The following DNAJC16 variants were observed in gnomAD, a reference collection of about 807,000 sequenced individuals.
DNAJC16 encodes the protein dnaJ homolog subfamily C member 16.
DNAJC16 carries 76 observed loss-of-function variants against 92.7 expected under a neutral mutation model. The observed-to-expected ratio is 0.82, with a 90% CI of 0.68 to 0.99. The LOEUF is 0.99. Among genes scored for constraint, DNAJC16 ranks in the 50% least tolerant of loss-of-function variants. DNAJC16 has a pLI of 0.00. For synonymous variants in DNAJC16, 328 were observed against 358.7 expected, an observed-to-expected ratio of 0.91 and a Z score of 0.97; for missense variants, 869 against 942.4, an observed-to-expected ratio of 0.92 and a Z score of 1.02.
chr1:15,565,330 A>G (rs1242580940), intron 11 of DNAJC16: 1 of 156,490 alleles, frequency 6.4e-6, no homozygotes, highest in African/African-American at 2.4e-5. Flanking sequence ...CTCAAGAGGG[A>G]TACCCACTCC....
At chr1:15,565,788 C>A (rs948534844) in intron 11 of DNAJC16, 131 bp from the exon 12 acceptor site, 17 of 855,978 alleles carry the variant, frequency 2.0e-5, no homozygotes, top group Non-Finnish European at 3.0e-5. Context: ...CCAAGAAAAG[C>A]TCTGTTTGCC....
intron 3 of DNAJC16, among the ~76,000 whole-genome samples, chr1:15,536,103 C>T (rs1472631132): frequency 6.4e-5 from 6 of 93,138 alleles, no homozygotes; most frequent in Admixed American, 1.5e-4. Context: ...GACGGAGTTT[C>T]GCTCTTGTTG....
In DNAJC16 at chr1:15,558,854, T is replaced by A. The variant is rs376023600; in HGVS notation, c.1024-672T>A. 2.6e-5 allele frequency among the ~76,000 whole-genome samples: 4 copies of A among 152,248 alleles called. No homozygotes were observed. In the East Asian group the frequency reaches 5.8e-4, roughly 22 times the overall value. The stretch of plus-strand genomic sequence containing the variant: ...TGGGATTTATTTTTAATTGCCCAGT[T>A]CGCTACAAATCCTGAATGGAAATAA... On this transcript the variant is annotated intron_variant, in intron 7 of 14. Coordinates refer to ENST00000375847, the MANE Select transcript of DNAJC16 (RefSeq NM_015291.4).
At chr1:15,538,385 A>C (rs995897239) in intron 4 of DNAJC16, among the ~76,000 whole-genome samples, 1 of 150,358 alleles carries the variant, frequency 6.7e-6, no homozygotes, top group Non-Finnish European at 1.5e-5. Context: ...ACAGAGCGAG[A>C]CTCTGTCTCA....
chr1:15,555,817 C>A (rs1638556798), intron 7 of DNAJC16, among the ~76,000 whole-genome samples: 1 of 151,590 alleles, frequency 6.6e-6, no homozygotes, highest in Non-Finnish European at 1.5e-5. Flanking sequence ...CATGGAGAAA[C>A]CCCGTCTCTA....
In DNAJC16 at chr1:15,544,452, C is replaced by G; in HGVS notation, c.628C>G (p.Leu210Val). 1 of 1,614,084 alleles carries G rather than the reference C, an allele frequency of 6.2e-7. No individual in the cohort carries two copies. Among genetic ancestry groups the G allele is most frequent in the East Asian group, 2.2e-5 (1 of 44,880 alleles). The change falls in exon 5 of 15, where the codon CTA (leucine) becomes GTA (valine). Residue 210 changes from leucine (L) to valine (V), a missense_variant. By Grantham distance (32) the Leu-to-Val change is conservative (BLOSUM62 1). Coordinates refer to ENST00000375847, the MANE Select transcript of DNAJC16 (RefSeq NM_015291.4). The stretch of plus-strand genomic sequence containing the variant: ...GTATGAGAGACGCCTGGCCCATCAC[C>G]TAGGGGCACACAGCACGCCCTCTAT... ...AGYERRLAHH[L>V]GAHSTPSILG...
At chr1:15,551,470 C>G (rs1451357684) in intron 7 of DNAJC16, among the ~76,000 whole-genome samples, 1 of 152,168 alleles carries the variant, frequency 6.6e-6, no homozygotes, top group Non-Finnish European at 1.5e-5. Flanking sequence ...TTAAAACAAA[C>G]AACTGGTGGT....
intron 10 of DNAJC16, 21 bp from the exon 11 acceptor site, chr1:15,564,262 A>G (rs1570930907): frequency 6.4e-7 from 1 of 1,564,558 alleles, no homozygotes; most frequent in Non-Finnish European, 8.8e-7. Context: ...CCTGACCATC[A>G]TCCATTTTCT....
intron 7 of DNAJC16, among the ~76,000 whole-genome samples, chr1:15,551,037 T>C (rs2103417294): frequency 6.6e-6 from 1 of 152,206 alleles, no homozygotes; most frequent in East Asian, 1.9e-4. Flanking sequence ...GCCCGGCTAA[T>C]TTTTGTATTT....
chr1:15,531,782 C>T (rs994601434), intron 2 of DNAJC16, among the ~76,000 whole-genome samples: 2 of 152,112 alleles, frequency 1.3e-5, no homozygotes, highest in East Asian at 1.9e-4. Flanking sequence ...TTTAATTTTG[C>T]TCTACTATTA....
At chr1:15,527,657 AAAG>A (rs1277028377) in intron 1 of DNAJC16, among the ~76,000 whole-genome samples, 1 of 152,226 alleles carries the variant, frequency 6.6e-6, no homozygotes, top group Non-Finnish European at 1.5e-5. Flanking sequence ...TTGCCTTAAC[AAAG>A]AAGAAACTGG....
intron 3 of DNAJC16, 41 bp downstream of exon 3, chr1:15,534,344 AAAAT>A: frequency 6.2e-7 from 1 of 1,601,184 alleles, no homozygotes; most frequent in Non-Finnish European, 8.5e-7. Context: ...TAGCTCTTAC[AAAAT>A]ATGCCTTAGG....
intron 8 of DNAJC16, among the ~76,000 whole-genome samples, chr1:15,561,707 T>A (rs368018431): frequency 1.4e-4 from 21 of 151,820 alleles, no homozygotes; most frequent in East Asian, 7.8e-4. Flanking sequence ...TGAAAGGCCC[T>A]GCTGCATCAG....
intron 4 of DNAJC16, among the ~76,000 whole-genome samples, chr1:15,537,026 T>A (rs1389356724): frequency 6.6e-6 from 1 of 152,060 alleles, no homozygotes; most frequent in Non-Finnish European, 1.5e-5. Context: ...AATTTTTGTA[T>A]TTTTAGTAGA....
At chr1:15,562,103 C>G (rs1234601478) in intron 8 of DNAJC16, 39 bp from the exon 9 acceptor site, 3 of 1,589,074 alleles carry the variant, frequency 1.9e-6, no homozygotes, top group Admixed American at 1.7e-5. Flanking sequence ...GCCCTGCCAT[C>G]AGGGATTGGT....
At chr1:15,549,550 C>G (rs1199539857) in intron 7 of DNAJC16, among the ~76,000 whole-genome samples, 1 of 151,832 alleles carries the variant, frequency 6.6e-6, no homozygotes, top group Non-Finnish European at 1.5e-5. Context: ...CGTGGTGGCT[C>G]ACGCCTGTAA....
intron 8 of DNAJC16, among the ~76,000 whole-genome samples, chr1:15,561,897 A>G (rs1638700409): frequency 6.6e-6 from 1 of 152,036 alleles, no homozygotes; most frequent in South Asian, 2.1e-4. Context: ...TCATATATAT[A>G]AAATTTTAAA....
At chr1:15,566,909 A>C (rs1638823067) in intron 13 of DNAJC16, 190 bp from the exon 14 acceptor site, 3 of 497,300 alleles carry the variant, frequency 6.0e-6, no homozygotes, top group Non-Finnish European at 7.2e-6. Flanking sequence ...AGCAGCACAG[A>C]AAGGCTGTTT....
At chr1:15,546,718 A>G (rs1323909600) in intron 5 of DNAJC16, 49 bp from the exon 6 acceptor site, 1 of 1,433,942 alleles carries the variant, frequency 7.0e-7, no homozygotes, top group Non-Finnish European at 9.8e-7. Flanking sequence ...AGTATAATAC[A>G]ATTGTTAAGA....
Sources: allele counts gnomAD v4.1 joint callset (sites outside exome capture counted in the v4.1 genomes callset), GRCh38; gene constraint gnomAD v4.1.1; transcripts MANE v1.5; gene names NCBI Gene and HGNC (gene_info 2026-07-23, HGNC 2026-07-21).